Variants in GALNTL5 observed in about 807,000 individuals in gnomAD.
GALNTL5 encodes the protein inactive polypeptide N-acetylgalactosaminyltransferase-like protein 5.
Under a neutral mutation model 51.0 loss-of-function variants are expected in GALNTL5, and 44 were observed. The observed-to-expected ratio is 0.86, with a 90% confidence interval of 0.68 to 1.11. The LOEUF (loss-of-function observed/expected upper bound fraction) is 1.11, where lower values mean the gene tolerates loss of function less well. Ranked by LOEUF, GALNTL5 falls within the 50% of genes least tolerant of loss-of-function variation. GALNTL5 has a pLI of 0.00. For missense variants in GALNTL5, 528 were observed against 531.8 expected, an observed-to-expected ratio of 0.99 and a Z score of 0.07; for synonymous variants, 192 against 182.8, an observed-to-expected ratio of 1.05 and a Z score of -0.41.
chr7:152,015,600 C>T (rs911168890), intron 8 of GALNTL5, among the ~76,000 whole-genome samples: 14 of 151,940 alleles, frequency 9.2e-5, no homozygotes, highest in African/African-American at 2.9e-4. Flanking sequence ...CCTCATGATC[C>T]GCCCACCTCG....
chr7:151,962,436 C>CTTTTTTT (rs61210832), intron 1 of GALNTL5, among the ~76,000 whole-genome samples: 1,459 of 116,058 alleles, frequency 0.013, 110 homozygotes, highest in South Asian at 0.019. Flanking sequence ...ATTTTTTTTT[C>CTTTTTTT]TTTTTTTTTT....
At chr7:151,980,752 T>A (rs2081269207) in intron 3 of GALNTL5, among the ~76,000 whole-genome samples, 1 of 122,514 alleles carries the variant, frequency 8.2e-6, no homozygotes, top group South Asian at 2.9e-4. Context: ...TTTTTTTTTT[T>A]TTTTTTTTTT....
chr7:152,011,828 T>C (rs886408012), intron 7 of GALNTL5, among the ~76,000 whole-genome samples: 1 of 152,006 alleles, frequency 6.6e-6, no homozygotes, highest in African/African-American at 2.4e-5. Context: ...TTCCTAAGAG[T>C]TTTAGGATTC....
At chr7:151,971,093 C>CGA (rs2081129569) in intron 3 of GALNTL5, 28 bp downstream of exon 3, 4 of 1,289,572 alleles carry the variant, frequency 3.1e-6, no homozygotes, top group African/African-American at 1.6e-5. Flanking sequence ...TTCTCTCATT[C>CGA]TCTAGATAGA....
chr7:151,957,142 GAAA>G (rs71198743), intron 1 of GALNTL5, among the ~76,000 whole-genome samples: 1,210 of 100,188 alleles, frequency 0.012, 17 homozygotes, highest in African/African-American at 0.036. Flanking sequence ...TCTGTCTCGA[GAAA>G]AAAAAAAAAA....
intron 7 of GALNTL5, among the ~76,000 whole-genome samples, chr7:152,011,378 A>G (rs1257228558): frequency 2.0e-5 from 3 of 152,206 alleles, no homozygotes; most frequent in East Asian, 1.9e-4. Flanking sequence ...TCAACATGGC[A>G]TTTCAATTTT....
At chr7:151,985,051 C>T (rs932894627) in intron 4 of GALNTL5, among the ~76,000 whole-genome samples, 8 of 152,222 alleles carry the variant, frequency 5.3e-5, no homozygotes, top group African/African-American at 9.6e-5. Context: ...CCAGCAGGAT[C>T]GAGTTCTTAG....
intron 2 of GALNTL5, among the ~76,000 whole-genome samples, chr7:151,970,374 C>T (rs924594591): frequency 3.3e-5 from 5 of 152,202 alleles, no homozygotes; most frequent in African/African-American, 7.2e-5. Flanking sequence ...ATAAACTTCC[C>T]TTTCCCCACT....
chr7:152,016,525 C>T (rs2081816732), intron 8 of GALNTL5, among the ~76,000 whole-genome samples: 2 of 152,124 alleles, frequency 1.3e-5, no homozygotes, highest in South Asian at 4.1e-4. Flanking sequence ...CGTGGCAGCA[C>T]CTACTAAAGT....
rs61210832 is a variant in GALNTL5, at chr7:151,962,436, CTTTTTTTT to C, written c.-39-4764_-39-4757del. 1.4e-4 allele frequency among the ~76,000 whole-genome samples: 16 copies of C among 116,234 alleles called. 1 individual carries two copies. The Admixed American group carries it at 1.5e-3, about 11-fold the overall frequency. The allele number at this position is 116,234 out of a possible 152,430, so 76.3% of individuals were successfully genotyped here. The stretch of plus-strand genomic sequence containing the variant: ...AAAAAAGTCTGTGTGATTTTTTTTT[CTTTTTTTT>C]TTTTTTTGGTTAATGCAGTAATCAG... On this transcript the variant is annotated intron_variant, in intron 1 of 8. Coordinates refer to ENST00000392800, the MANE Select transcript of GALNTL5 (RefSeq NM_145292.4).
Position 151,984,696 on chromosome 7 carries a change from C to T in GALNTL5, c.535+1544C>T, listed in dbSNP as rs189141780. Among the ~76,000 whole-genome samples the T allele has an allele frequency of 1.5e-3, 224 of 152,186 alleles. 1 individual carries two copies. The highest frequency in any genetic ancestry group is 4.5e-3 in the African/African-American group (187 of 41,508). On this transcript the variant is annotated intron_variant, in intron 4 of 8. Coordinates refer to ENST00000392800, the MANE Select transcript of GALNTL5 (RefSeq NM_145292.4). ...GCTTCCCTGCTGCCCCTGTGACCCA[C>T]GCTGCCTCTTCTGCTCAAAAGACTG...
chr7:151,996,667 C>G (rs545948670), intron 5 of GALNTL5, among the ~76,000 whole-genome samples: 5 of 152,096 alleles, frequency 3.3e-5, no homozygotes, highest in East Asian at 3.9e-4. Context: ...GAGGATCGCT[C>G]GAGCCCAGGA....
intron 7 of GALNTL5, among the ~76,000 whole-genome samples, chr7:152,014,440 G>A (rs188488825): frequency 6.6e-6 from 1 of 152,010 alleles, no homozygotes; most frequent in Non-Finnish European, 1.5e-5. Flanking sequence ...GCTAATTTTT[G>A]TATTTTTAGT....
At position 151,983,118 on chromosome 7, in the gene GALNTL5, A is replaced by C. The variant is rs758781978; in HGVS notation, c.501A>C (p.Glu167Asp). 1.9e-6 allele frequency: 3 copies of C among 1,614,126 alleles called. No homozygotes were observed. The highest frequency in any genetic ancestry group is 2.5e-6 in the Non-Finnish European group (3 of 1,180,008). The part of the protein sequence containing the change: ...VTNLTPHYFL[E>D]EIILVDDMSK... ...ACCTCACGCCACACTATTTTCTTGAAGAAATTATTTTGGTAGATGACATGA... is the reference window on the plus strand; with the variant it reads ...ACCTCACGCCACACTATTTTCTTGACGAAATTATTTTGGTAGATGACATGA... Residue 167 changes from glutamate to aspartate, a missense_variant, in exon 4 of 9, where the codon GAA (glutamate) becomes GAC (aspartate). Physicochemically the swap from Glu to Asp is conservative, Grantham distance 45. Transcript: ENST00000392800.
At chr7:152,007,799 T>C in intron 6 of GALNTL5, 28 bp from the exon 7 acceptor site, 1 of 1,193,120 alleles carries the variant, frequency 8.4e-7, no homozygotes. Context: ...TCTGTGAAAT[T>C]AATTTCATAT....
In GALNTL5 at chr7:152,014,722, C is replaced by A. The variant is rs2081783714; in HGVS notation, c.1105C>A (p.Pro369Thr). Residue 369 changes from proline to threonine, a missense_variant, in exon 8 of 9, where the codon CCT becomes ACT. By Grantham distance (38) the Pro-to-Thr change is conservative. Coordinates refer to ENST00000392800, the MANE Select transcript of GALNTL5 (RefSeq NM_145292.4). ...GHISKKQTGK[P>T]STIISAMTHN... ...TATCAGTAAGAAACAAACTGGAAAA[C>A]CTTCTACAATCATCAGTGCTATGAC... The A allele has an allele frequency of 1.9e-6, 3 of 1,613,962 alleles. No individual in the cohort carries two copies. Among genetic ancestry groups the A allele is most frequent in the Non-Finnish European group, 1.7e-6 (2 of 1,179,920 alleles).
intron 7 of GALNTL5, 86 bp from the exon 8 acceptor site, chr7:152,014,558 G>A (rs754373897): frequency 1.3e-5 from 17 of 1,326,748 alleles, no homozygotes; most frequent in East Asian, 2.5e-5. Context: ...ATGAGCCACC[G>A]CACCTGGCCA....
At chr7:151,986,599 C>T (rs7794012) in intron 4 of GALNTL5, among the ~76,000 whole-genome samples, 21,538 of 152,062 alleles carry the variant, frequency 0.14, 2,517 homozygotes, top group African/African-American at 0.3. Flanking sequence ...CATGCCACTG[C>T]ACTCCAACGT....
Position 151,993,680 on chromosome 7 carries a change from G to C in GALNTL5, c.658+6399G>C, listed in dbSNP as rs1296100765. Among the ~76,000 whole-genome samples, 6 of 152,194 alleles carry C rather than the reference G, an allele frequency of 3.9e-5. No homozygotes were observed. In the East Asian group the frequency reaches 1.2e-3, roughly 29 times the overall value. On this transcript the variant is annotated intron_variant, in intron 5 of 8. Transcript: ENST00000392800. ...CTGTCACCCACGCTGGAGTGCAGTG[G>C]AGTATCGAAGCTCACTGCAGCCTCG...
Sources: allele counts gnomAD v4.1 joint callset (sites outside exome capture counted in the v4.1 genomes callset), GRCh38; gene constraint gnomAD v4.1.1; transcripts MANE v1.5; gene names NCBI Gene and HGNC (gene_info 2026-07-23, HGNC 2026-07-21).